Variants in BEND7 observed in about 807,000 individuals in gnomAD.
The protein encoded by BEND7 is BEN domain containing 7, also known as BEN domain-containing protein 7.
BEND7 carries 28 observed loss-of-function variants against 50.9 expected under a neutral mutation model. The observed-to-expected ratio is 0.55, with a 90% CI of 0.41 to 0.75. BEND7 has a LOEUF of 0.75. BEND7 is among the 30% of genes least tolerant of loss of function. The probability of loss-of-function intolerance (pLI) is 0.00; values close to 1 mark genes in which losing one functional copy is unlikely to be tolerated. For synonymous variants in BEND7, 170 were observed against 183.9 expected (o/e 0.92, Z 0.61); for missense variants, 477 against 491.3 (o/e 0.97, Z 0.28).
downstream of BEND7, chr10:13,439,562 C>A: frequency 6.8e-7 from 1 of 1,468,762 alleles, no homozygotes; most frequent in Non-Finnish European, 9.1e-7. Context: ...TCCTCCAAAT[C>A]GTCACACCCT....
At chr10:13,445,814 TCACATGACACAGGAGGA>T (rs1164465768) in intron 8 of BEND7, 2 of 152,170 alleles carry the variant, frequency 1.3e-5, no homozygotes, top group East Asian at 3.9e-4. Context: ...GCTCACTGTG[TCACATGACACAGGAGGA>T]CAGGCAGTGC....
At chr10:13,472,349 T>A (rs1234438785) in intron 6 of BEND7, among the ~76,000 whole-genome samples, 1 of 151,268 alleles carries the variant, frequency 6.6e-6, no homozygotes, top group Admixed American at 6.6e-5. Context: ...GCCAACATCA[T>A]CATTGCTGTT....
chr10:13,439,137 G>C, downstream of BEND7: 1 of 1,512,154 alleles, frequency 6.6e-7, no homozygotes, highest in Non-Finnish European at 9.0e-7. Context: ...TGGAAAGATG[G>C]GTGATACACA....
At chr10:13,439,317 G>C, downstream of BEND7, 1 of 1,614,148 alleles carries the variant, frequency 6.2e-7, no homozygotes, top group Non-Finnish European at 8.5e-7. Flanking sequence ...GCTGGTTTGG[G>C]ACAAAGCTCC....
At chr10:13,440,903 C>A (rs1467176308), downstream of BEND7, among the ~76,000 whole-genome samples, 1 of 152,218 alleles carries the variant, frequency 6.6e-6, no homozygotes, top group Non-Finnish European at 1.5e-5. Flanking sequence ...TTTCCAGCGT[C>A]TGAAGCCTTT....
intron 6 of BEND7, among the ~76,000 whole-genome samples, chr10:13,476,065 T>C (rs752205763): frequency 4.6e-5 from 7 of 152,226 alleles, no homozygotes; most frequent in Non-Finnish European, 7.3e-5. Context: ...TTAATTTAAA[T>C]CTACGTGAGA....
rs1281739549 is a variant in BEND7, at chr10:13,521,942, T to C, written c.145+4196A>G. Reference sequence around the variant, plus strand: ...CTCTTTGGGGAGATTCTGGGGACTCTAGTGGGTGCAGCTGTCATCAAGAAA... The same window carrying C: ...CTCTTTGGGGAGATTCTGGGGACTCCAGTGGGTGCAGCTGTCATCAAGAAA... On this transcript the variant is annotated intron_variant, in intron 2 of 8. Coordinates refer to ENST00000466271, the MANE Select transcript of BEND7 (RefSeq NM_001369863.1). Among the ~76,000 whole-genome samples the C allele has an allele frequency of 2.0e-5, 3 of 152,322 alleles. No homozygotes were observed. In the East Asian group the frequency reaches 5.8e-4, roughly 29 times the overall value.
At chr10:13,527,518 T>C (rs2079512996) in intron 1 of BEND7, among the ~76,000 whole-genome samples, 2 of 152,232 alleles carry the variant, frequency 1.3e-5, no homozygotes, top group Non-Finnish European at 2.9e-5. Context: ...CTGATGCCAA[T>C]GCTAGAGAAA....
intron 2 of BEND7, among the ~76,000 whole-genome samples, chr10:13,518,323 TC>T (rs1330817962): frequency 6.6e-6 from 1 of 152,220 alleles, no homozygotes; most frequent in African/African-American, 2.4e-5. Context: ...CACTGGCCCC[TC>T]ACAGGGCCCC....
intron 7 of BEND7, among the ~76,000 whole-genome samples, chr10:13,449,601 A>AGTTCT (rs1266855219): frequency 2.0e-5 from 3 of 152,202 alleles, no homozygotes; most frequent in Non-Finnish European, 2.9e-5. Context: ...TAAATCTTCG[A>AGTTCT]GTTCTAGTTC....
At chr10:13,447,065 G>A (rs981039989) in intron 8 of BEND7, 2 of 607,830 alleles carry the variant, frequency 3.3e-6, no homozygotes, top group Non-Finnish European at 5.8e-6. Flanking sequence ...ATAAGAGTGT[G>A]AGAAAAACGT....
chr10:13,449,253 T>A (rs1391692552), intron 7 of BEND7, among the ~76,000 whole-genome samples: 2 of 152,152 alleles, frequency 1.3e-5, no homozygotes, highest in African/African-American at 4.8e-5. Flanking sequence ...TTTGAGTGAG[T>A]TGGGGACAGA....
intron 6 of BEND7, among the ~76,000 whole-genome samples, chr10:13,469,397 C>T (rs1204401189): frequency 2.6e-5 from 4 of 152,138 alleles, no homozygotes; most frequent in African/African-American, 4.8e-5. Context: ...TAGGTACAGC[C>T]GTGCTTTGCT....
chr10:13,466,214 T>C (rs973105482), intron 6 of BEND7, among the ~76,000 whole-genome samples: 1 of 151,764 alleles, frequency 6.6e-6, no homozygotes, highest in Non-Finnish European at 1.5e-5. Flanking sequence ...TAATGATGTT[T>C]GACCGTTGAA....
intron 6 of BEND7, among the ~76,000 whole-genome samples, chr10:13,473,891 T>A (rs1429520502): frequency 6.6e-6 from 1 of 151,204 alleles, no homozygotes; most frequent in Non-Finnish European, 1.5e-5. Flanking sequence ...TCGTCATTGC[T>A]GTTACACTCA....
intron 5 of BEND7, among the ~76,000 whole-genome samples, chr10:13,491,245 G>A (rs1160822228): frequency 6.6e-6 from 1 of 151,028 alleles, no homozygotes; most frequent in African/African-American, 2.4e-5. Flanking sequence ...CCCAAGAGGC[G>A]GAGGTTGCAG....
chr10:13,509,857 A>G (rs2078156161), intron 2 of BEND7, among the ~76,000 whole-genome samples: 1 of 152,348 alleles, frequency 6.6e-6, no homozygotes, highest in Admixed American at 6.5e-5. Context: ...CAGGAGATCA[A>G]TGAAGGTTTT....
intron 6 of BEND7, among the ~76,000 whole-genome samples, chr10:13,471,179 T>C (rs1444341086): frequency 6.6e-6 from 1 of 152,250 alleles, no homozygotes; most frequent in Non-Finnish European, 1.5e-5. Flanking sequence ...TTAGGGGTCA[T>C]CGCTGACATG....
intron 6 of BEND7, among the ~76,000 whole-genome samples, chr10:13,453,050 C>T (rs1217740705): frequency 2.6e-5 from 4 of 152,142 alleles, no homozygotes; most frequent in Non-Finnish European, 5.9e-5. Context: ...AAATTGAACG[C>T]AAAATTAACA....
Sources: allele counts gnomAD v4.1 joint callset (sites outside exome capture counted in the v4.1 genomes callset), GRCh38; gene constraint gnomAD v4.1.1; transcripts MANE v1.5; gene names NCBI Gene and HGNC (gene_info 2026-07-23, HGNC 2026-07-21).